The following SLC25A33 variants were observed in gnomAD, a reference collection of about 807,000 sequenced individuals.
SLC25A33 encodes bone marrow stromal cell mitochondrial carrier protein.
Under a neutral mutation model 35.5 loss-of-function variants are expected in SLC25A33, and 15 were observed. The observed-to-expected ratio is 0.42, with a 90% confidence interval of 0.28 to 0.65. The LOEUF (loss-of-function observed/expected upper bound fraction) is 0.65. Ranked by LOEUF, SLC25A33 falls within the 30% of genes least tolerant of loss-of-function variation. The probability of loss-of-function intolerance (pLI) is 0.20; values close to 1 mark genes in which losing one functional copy is unlikely to be tolerated. For missense variants in SLC25A33, 257 were observed against 398.5 expected, an observed-to-expected ratio of 0.64 and a Z score of 3.02; for synonymous variants, 136 against 148.7, an observed-to-expected ratio of 0.91 and a Z score of 0.62.
At chr1:9,574,998 G>C (rs968483430) in intron 5 of SLC25A33, among the ~76,000 whole-genome samples, 1 of 151,250 alleles carries the variant, frequency 6.6e-6, no homozygotes, top group African/African-American at 2.4e-5. Flanking sequence ...CAGATCACGA[G>C]GTCAGGAGAT....
In SLC25A33 at chr1:9,578,933, T is replaced by C. The variant is rs1040037118; in HGVS notation, c.483-1021T>C. 3.3e-5 allele frequency among the ~76,000 whole-genome samples: 5 copies of C among 152,264 alleles called. No homozygotes were observed. Among genetic ancestry groups the C allele is most frequent in the Admixed American group, 3.3e-4 (5 of 15,282 alleles). Reference sequence around the variant, plus strand: ...GTAGTTCCTCTGTGATGAGCCTTACTGCTCCCTGCAGCTCTTTCTAAAATT... The same window carrying C: ...GTAGTTCCTCTGTGATGAGCCTTACCGCTCCCTGCAGCTCTTTCTAAAATT... On this transcript the variant is annotated intron_variant, in intron 5 of 6. Transcript: ENST00000302692. The surrounding 1 kb of genome is among the most constrained non-coding windows in gnomAD (Gnocchi z 4.3).
intron 2 of SLC25A33, among the ~76,000 whole-genome samples, chr1:9,556,566 A>T (rs986256825): frequency 6.6e-5 from 10 of 152,170 alleles, no homozygotes; most frequent in African/African-American, 2.4e-4. Context: ...CATTTCTTTC[A>T]GCATCATGTT....
intron 3 of SLC25A33, 124 bp from the exon 4 acceptor site, chr1:9,570,134 A>G (rs993008814): frequency 5.1e-6 from 4 of 778,324 alleles, no homozygotes; most frequent in Non-Finnish European, 8.1e-6. Flanking sequence ...AGGCGAGGAC[A>G]AGCTTTTTAG....
chr1:9,581,539 G>A (rs998385572), intron 6 of SLC25A33, among the ~76,000 whole-genome samples: 4 of 152,020 alleles, frequency 2.6e-5, no homozygotes, highest in African/African-American at 9.7e-5. Context: ...AACCAGGCTG[G>A]CCAACATGGC....
At chr1:9,581,803 T>G (rs1221872494) in intron 6 of SLC25A33, among the ~76,000 whole-genome samples, 1 of 152,170 alleles carries the variant, frequency 6.6e-6, no homozygotes, top group Non-Finnish European at 1.5e-5. Context: ...AATCCTAGAG[T>G]TGGAAAAGGT....
chr1:9,582,188 A>C lies in SLC25A33; in HGVS notation c.764-111A>C, dbSNP rs1177649014. 4 of 1,140,254 alleles carry C rather than the reference A, an allele frequency of 3.5e-6. No homozygotes were observed. Among genetic ancestry groups the C allele is most frequent in the Non-Finnish European group, 5.1e-6 (4 of 777,796 alleles). The allele number at this position is 1,140,254 out of a possible 1,614,324, so 70.6% of individuals were successfully genotyped here. ...CTCGGCCTCCCAAAGTTCTGGGATT[A>C]CAGGTGTGAGCCACCGCACCCGGCC... is the stretch of plus-strand genomic sequence containing the variant. On this transcript the variant is annotated intron_variant, in intron 6 of 6. Coordinates refer to ENST00000302692, the MANE Select transcript of SLC25A33 (RefSeq NM_032315.3). This position sits in a 1 kb window ranked among gnomAD's most constrained non-coding sequence, Gnocchi z 4.0.
chr1:9,579,989 G>A lies in SLC25A33; in HGVS notation c.518G>A (p.Cys173Tyr), dbSNP rs1643715758. The A allele has an allele frequency of 6.2e-7, 1 of 1,613,386 alleles. No individual in the cohort carries two copies. Among genetic ancestry groups the A allele is most frequent in the African/African-American group, 1.3e-5 (1 of 74,834 alleles). ...RGSKQMNTLQ[C>Y]ARYVYQTEGI... The stretch of plus-strand genomic sequence containing the variant: ...TCTAAGCAGATGAATACACTCCAGT[G>A]TGCTCGTTACGTTTACCAGACCGAA... The change falls in exon 6 of 7, where the codon TGT becomes TAT. Residue 173 changes from cysteine to tyrosine, a missense_variant. Cys to Tyr is a radical substitution (Grantham distance 194, BLOSUM62 -2). Transcript: ENST00000302692.
At chr1:9,554,066 T>C (rs974217179) in intron 2 of SLC25A33, among the ~76,000 whole-genome samples, 1 of 152,214 alleles carries the variant, frequency 6.6e-6, no homozygotes, top group Non-Finnish European at 1.5e-5. Flanking sequence ...GTGTAAATTG[T>C]TGCATCACAT....
intron 1 of SLC25A33, among the ~76,000 whole-genome samples, chr1:9,547,329 C>G (rs1643188594): frequency 6.6e-6 from 1 of 152,110 alleles, no homozygotes; most frequent in Non-Finnish European, 1.5e-5. Context: ...TGGCACACAT[C>G]TGTAATCACA....
chr1:9,553,899 T>C, intron 2 of SLC25A33, 94 bp downstream of exon 2: 1 of 1,323,506 alleles, frequency 7.6e-7, no homozygotes, highest in Middle Eastern at 1.9e-4. Flanking sequence ...TGTGATGTTC[T>C]GTTTGCATAG....
chr1:9,568,511 T>C (rs1229210206), intron 3 of SLC25A33, among the ~76,000 whole-genome samples: 1 of 151,940 alleles, frequency 6.6e-6, no homozygotes, highest in Non-Finnish European at 1.5e-5. Context: ...GGGAACTGGG[T>C]GGCAGGGCAG....
chr1:9,568,608 T>C (rs1281585069), intron 3 of SLC25A33, among the ~76,000 whole-genome samples: 1 of 151,988 alleles, frequency 6.6e-6, no homozygotes, highest in Non-Finnish European at 1.5e-5. Flanking sequence ...TCCCAGCACT[T>C]TGGGAGGCCG....
intron 2 of SLC25A33, among the ~76,000 whole-genome samples, chr1:9,560,271 A>G (rs189219528): frequency 4.0e-5 from 6 of 150,388 alleles, no homozygotes; most frequent in African/African-American, 1.2e-4. Context: ...AAAAAGAGAA[A>G]AGAAAAAAAA....
chr1:9,554,056 G>A (rs577250515), intron 2 of SLC25A33, among the ~76,000 whole-genome samples: 11 of 152,316 alleles, frequency 7.2e-5, no homozygotes, highest in African/African-American at 1.7e-4. Flanking sequence ...AAAAATCCAC[G>A]TGTAAATTGT....
chr1:9,572,847 C>T (rs1643609946), intron 4 of SLC25A33, among the ~76,000 whole-genome samples: 1 of 150,904 alleles, frequency 6.6e-6, no homozygotes, highest in Non-Finnish European at 1.5e-5. Context: ...GCTGGAGGAT[C>T]CCTTGAGCCC....
intron 5 of SLC25A33, chr1:9,576,940 T>G: frequency 7.7e-7 from 1 of 1,290,924 alleles, no homozygotes; most frequent in Non-Finnish European, 1.1e-6. Flanking sequence ...TTGGGGATGG[T>G]ATCTATGTCT....
intron 1 of SLC25A33, among the ~76,000 whole-genome samples, chr1:9,544,296 T>G (rs1449030043): frequency 6.7e-6 from 1 of 150,002 alleles, no homozygotes; most frequent in Non-Finnish European, 1.5e-5. Context: ...TGAAGCAGCA[T>G]CTCTCTGTGT....
intron 1 of SLC25A33, among the ~76,000 whole-genome samples, chr1:9,545,726 G>A (rs1274611391): frequency 4.0e-5 from 6 of 151,054 alleles, no homozygotes; most frequent in South Asian, 2.1e-4. Flanking sequence ...AAAGGAGGCC[G>A]AGGCAGGTGG....
chr1:9,548,549 T>C (rs1643214152), intron 1 of SLC25A33, among the ~76,000 whole-genome samples: 1 of 152,186 alleles, frequency 6.6e-6, no homozygotes, highest in Admixed American at 6.5e-5. Flanking sequence ...GCTGCTGCAC[T>C]CCAGCCTGGG....
Sources: allele counts gnomAD v4.1 joint callset (sites outside exome capture counted in the v4.1 genomes callset), GRCh38; gene constraint gnomAD v4.1.1; non-coding constraint Gnocchi (gnomAD v3.1); transcripts MANE v1.5; gene names NCBI Gene and HGNC (gene_info 2026-07-23, HGNC 2026-07-21).